The following PDIA4 variants were observed in gnomAD, a reference collection of about 807,000 sequenced individuals.
The protein encoded by PDIA4 is protein disulfide isomerase family A member 4, also known as protein disulfide-isomerase A4.
A neutral mutation model predicts 62.1 loss-of-function variants in PDIA4; 33 were observed. That is an observed-to-expected ratio of 0.53 (90% CI 0.40 to 0.71). The LOEUF is 0.71. Ranked by LOEUF, PDIA4 falls within the 30% of genes least tolerant of loss-of-function variation. PDIA4 has a pLI of 0.00. For synonymous variants in PDIA4, 341 were observed against 324.1 expected (o/e 1.05, Z -0.56); for missense variants, 804 against 813.6 (o/e 0.99, Z 0.14).
At chr7:149,007,543 G>A (rs1330474853) in intron 7 of PDIA4, among the ~76,000 whole-genome samples, 2 of 152,204 alleles carry the variant, frequency 1.3e-5, no homozygotes, top group Admixed American at 6.5e-5. Context: ...TCTACTCACC[G>A]AAGTGCAGGG....
rs140947469 is a variant in PDIA4 at position 149,004,279 on chromosome 7, G to A, written c.1523-70C>T. 2.5e-4 allele frequency: 365 copies of A among 1,468,734 alleles called. 2 individuals carry two copies. In the African/African-American group the frequency reaches 4.3e-3, roughly 17 times the overall value. 91.0% of individuals were successfully genotyped at this position (1,468,734 alleles called of 1,614,324 possible). On this transcript the variant is annotated intron_variant, in intron 9 of 9. Transcript: ENST00000652332. ...GCCAAAGATTCTGGGGGCTCTCTCT[G>A]GACCAGGCAGTGAGGTTGGTGTGGC...
intron 1 of PDIA4, 55 bp from the exon 2 acceptor site, chr7:149,021,202 C>T: frequency 6.5e-7 from 1 of 1,529,116 alleles, no homozygotes; most frequent in East Asian, 2.5e-5. Flanking sequence ...CTCCTTAAAA[C>T]TTTCCTGGCC....
intron 6 of PDIA4, among the ~76,000 whole-genome samples, chr7:149,009,659 G>A (rs963622989): frequency 6.6e-6 from 1 of 152,230 alleles, no homozygotes; most frequent in Non-Finnish European, 1.5e-5. Context: ...AAGGACTAGA[G>A]AGTGAGTAGT....
intron 2 of PDIA4, among the ~76,000 whole-genome samples, chr7:149,020,573 G>T (rs1824307986): frequency 6.6e-6 from 1 of 152,222 alleles, no homozygotes; most frequent in Admixed American, 6.5e-5. Context: ...GCAGCTGCCT[G>T]AGCAACAGCC....
chr7:149,015,744 A>T lies in PDIA4; in HGVS notation c.476-702T>A, dbSNP rs186451094. On this transcript the variant is annotated intron_variant, in intron 3 of 9. Coordinates refer to ENST00000652332, the MANE Select transcript of PDIA4 (RefSeq NM_004911.5). ...GAATCTACCAAGGAGCCAAATCTAC[A>T]GCCACTCCTGCAAAGCTGCAGTCTT... 2.0e-5 allele frequency among the ~76,000 whole-genome samples: 3 copies of T among 152,336 alleles called. No homozygotes were observed. The East Asian group carries it at 5.8e-4, about 29-fold the overall frequency.
chr7:149,006,032 TGGCCGAGTCCTG>T lies in PDIA4; in HGVS notation c.1141_1152del (p.Gln381_Ala384del), dbSNP rs754213663. 1 of 1,565,366 alleles carries T rather than the reference TGGCCGAGTCCTG, an allele frequency of 6.4e-7. No individual in the cohort carries two copies. Among genetic ancestry groups the T allele is most frequent in the Non-Finnish European group, 8.6e-7 (1 of 1,161,936 alleles). ...GCGTACTTCAGCACGAAGTCCTTGA[TGGCCGAGTCCTG>T]GGTGGAGCCCTGCTTCAAAGAGGGA... On this transcript the variant is annotated inframe_deletion, in exon 8 of 10. Coordinates refer to ENST00000652332, the MANE Select transcript of PDIA4 (RefSeq NM_004911.5).
At chr7:149,022,905 C>T (rs978077703) in intron 1 of PDIA4, among the ~76,000 whole-genome samples, 4 of 152,240 alleles carry the variant, frequency 2.6e-5, no homozygotes, top group African/African-American at 9.6e-5. Flanking sequence ...CACTAGTCAC[C>T]CGCACTCAGT....
intron 1 of PDIA4, among the ~76,000 whole-genome samples, chr7:149,021,502 A>C (rs1824354777): frequency 6.6e-6 from 1 of 151,570 alleles, no homozygotes; most frequent in South Asian, 2.1e-4. Context: ...AAAAAAAAAA[A>C]AAAAAAAAAC....
chr7:149,008,913 G>A (rs1823850654), intron 6 of PDIA4, among the ~76,000 whole-genome samples: 1 of 152,026 alleles, frequency 6.6e-6, no homozygotes, highest in Admixed American at 6.6e-5. Flanking sequence ...GACTGCTTAA[G>A]CCCAGGAGTT....
chr7:149,018,827 C>T (rs1268749645), intron 3 of PDIA4, among the ~76,000 whole-genome samples, 165 bp downstream of exon 3: 1 of 141,430 alleles, frequency 7.1e-6, no homozygotes, highest in Non-Finnish European at 1.5e-5. Context: ...CTACTCCCCC[C>T]TCCTACCCCC....
Position 149,012,161 on chromosome 7 carries a change from T to C in PDIA4, c.814A>G (p.Lys272Glu). The change falls in exon 5 of 10, where the codon AAA becomes GAA. Residue 272 changes from lysine to glutamate, a missense_variant. By Grantham distance (56) the Lys-to-Glu change is moderately conservative. Transcript: ENST00000652332. ...GAGAAGGGAGTGGCCATACCATATT[T>C]TTCTCGTGGGCCGTTGTAGTCATAA... Reference protein sequence around the residue: ...RPYDYNGPREKYGIVDYMIEQ... With the variant: ...RPYDYNGPREEYGIVDYMIEQ... 1 of 1,614,092 alleles carries C rather than the reference T, an allele frequency of 6.2e-7. No individual in the cohort carries two copies. The highest frequency in any genetic ancestry group is 8.5e-7 in the Non-Finnish European group (1 of 1,179,994).
At chr7:149,021,878 C>G (rs986569775) in intron 1 of PDIA4, among the ~76,000 whole-genome samples, 1 of 152,114 alleles carries the variant, frequency 6.6e-6, no homozygotes, top group Admixed American at 6.5e-5. Flanking sequence ...TCCTGTAGCT[C>G]GGGCTCCCCT....
At chr7:149,009,743 G>C (rs1438829379) in intron 6 of PDIA4, among the ~76,000 whole-genome samples, 1 of 152,212 alleles carries the variant, frequency 6.6e-6, no homozygotes, top group Non-Finnish European at 1.5e-5. Context: ...AGCTGGACAG[G>C]GTGTGGACAA....
At chr7:149,020,472 G>T (rs184380961) in intron 2 of PDIA4, among the ~76,000 whole-genome samples, 118 of 152,306 alleles carry the variant, frequency 7.7e-4, no homozygotes, top group African/African-American at 2.8e-3. Context: ...GTAAAGACAG[G>T]AAAAGAAGTG....
chr7:149,009,018 C>T (rs1346881593), intron 6 of PDIA4, among the ~76,000 whole-genome samples: 1 of 150,036 alleles, frequency 6.7e-6, no homozygotes, highest in African/African-American at 2.4e-5. Flanking sequence ...CTCTGTTTTC[C>T]AAGTTCAAGC....
rs767139596 is a variant in PDIA4, at chr7:149,003,880, C to G, written c.1852G>C (p.Glu618Gln). ...SGDKKNPVKF[E>Q]GGDRDLEHLS... ...TGCTCCAGATCTCTGTCTCCACCCT[C>G]AAATTTAACTGGGTTCTTTTTGTCC... is the stretch of plus-strand genomic sequence containing the variant. The change falls in exon 10 of 10, where the codon GAG (glutamate) becomes CAG (glutamine). Residue 618 changes from glutamate to glutamine, a missense_variant. Coordinates refer to ENST00000652332, the MANE Select transcript of PDIA4 (RefSeq NM_004911.5). 2 of 1,613,188 alleles carry G rather than the reference C, an allele frequency of 1.2e-6. No individual in the cohort carries two copies. Among genetic ancestry groups the G allele is most frequent in the Non-Finnish European group, 1.7e-6 (2 of 1,179,682 alleles).
chr7:149,012,321 C>A lies in PDIA4; in HGVS notation c.654G>T (p.Lys218Asn), dbSNP rs11546292. 5 of 1,613,694 alleles carry A rather than the reference C, an allele frequency of 3.1e-6. No individual in the cohort carries two copies. In the African/African-American group the frequency reaches 5.3e-5, roughly 17 times the overall value. ...HCKKLAPEYEKAAKELSKRSP... is the reference protein window; with the variant it reads ...HCKKLAPEYENAAKELSKRSP... ...AACGCTTGCTGAGCTCCTTGGCGGC[C>A]TTCTCATACTCGGGGGCAAGTTTCT... Residue 218 changes from lysine to asparagine, a missense_variant, in exon 5 of 10, where the codon AAG becomes AAT. Coordinates refer to ENST00000652332, the MANE Select transcript of PDIA4 (RefSeq NM_004911.5).
intron 3 of PDIA4, among the ~76,000 whole-genome samples, chr7:149,015,736 A>T (rs1824112596): frequency 6.6e-6 from 1 of 152,244 alleles, no homozygotes; most frequent in Non-Finnish European, 1.5e-5. Flanking sequence ...CCAAGGAGCC[A>T]AATCTACAGC....
chr7:149,013,368 G>A (rs924841697), intron 4 of PDIA4, among the ~76,000 whole-genome samples: 1 of 152,178 alleles, frequency 6.6e-6, no homozygotes, highest in African/African-American at 2.4e-5. Flanking sequence ...ATTAAAGGGT[G>A]CATCTTGCAA....
Sources: gnomAD v4.1 joint callset for allele counts (sites outside exome capture counted in the v4.1 genomes callset) on GRCh38, gnomAD v4.1.1 for gene constraint, MANE v1.5 for transcripts, NCBI Gene and HGNC (gene_info 2026-07-23, HGNC 2026-07-21) for gene names.